Variants in CDC27 observed in about 807,000 individuals in gnomAD.
The protein encoded by CDC27 is cell division cycle protein 27 homolog.
Under a neutral mutation model 109.7 loss-of-function variants are expected in CDC27, and 27 were observed. That is an observed-to-expected ratio of 0.25 (90% CI 0.18 to 0.34). CDC27 has a LOEUF of 0.34. Ranked by LOEUF, CDC27 falls within the 10% of genes least tolerant of loss-of-function variation. The pLI, the probability that CDC27 is intolerant of heterozygous loss-of-function variation, is 1.00. For synonymous variants in CDC27, 266 were observed against 333.9 expected, an observed-to-expected ratio of 0.80 and a Z score of 2.22; for missense variants, 579 against 960.2, an observed-to-expected ratio of 0.60 and a Z score of 5.25.
intron 4 of CDC27, among the ~76,000 whole-genome samples, chr17:47,165,834 G>A (rs2063627830): frequency 6.6e-6 from 1 of 151,948 alleles, no homozygotes; most frequent in Non-Finnish European, 1.5e-5. Flanking sequence ...TAAGGTATGG[G>A]GTTTAAGTCA....
At chr17:47,169,666 GAAAC>G (rs1437410802) in intron 4 of CDC27, among the ~76,000 whole-genome samples, 2 of 148,004 alleles carry the variant, frequency 1.4e-5, no homozygotes, top group African/African-American at 5.0e-5. Context: ...AAAAAAAATA[GAAAC>G]AAACAAAAAA....
chr17:47,185,242 G>C (rs1371265945), intron 1 of CDC27, among the ~76,000 whole-genome samples: 1 of 151,902 alleles, frequency 6.6e-6, no homozygotes, highest in Non-Finnish European at 1.5e-5. Context: ...GCAGTGGCGC[G>C]ATCTCGGCTC....
intron 4 of CDC27, among the ~76,000 whole-genome samples, chr17:47,166,017 A>G (rs1261744969): frequency 6.6e-6 from 1 of 152,218 alleles, no homozygotes. Context: ...TACTGGCTCA[A>G]ATAGTAATTC....
rs894158133 is a variant in CDC27, at chr17:47,119,791, T to A, written c.*1144A>T. ...AGAACCTATCTCCTTCATAAGAATG[T>A]TTTTTCCCCCAAGCTAAAAATTTCC... On this transcript the variant is annotated 3_prime_UTR_variant, in exon 19 of 19. Transcript: ENST00000066544. 3.3e-4 allele frequency: 50 copies of A among 152,132 alleles called. No homozygotes were observed. The highest frequency in any genetic ancestry group is 2.5e-4 in the Non-Finnish European group (17 of 68,016). 9.4% of individuals were successfully genotyped at this position (152,132 alleles called of 1,614,324 possible). A position where few individuals can be genotyped will look rare whatever the true frequency, so the allele number is the denominator to read the frequency against.
Position 47,139,217 on chromosome 17 carries a change from T to G in CDC27, c.1552-326A>C, listed in dbSNP as rs2062718814. 2.0e-5 allele frequency among the ~76,000 whole-genome samples: 3 copies of G among 151,624 alleles called. No homozygotes were observed. The East Asian group carries it at 5.8e-4, about 29-fold the overall frequency. On this transcript the variant is annotated intron_variant, in intron 12 of 18. Transcript: ENST00000066544. ...TTCAAAAGAAAAGTCAATATTTCCT[T>G]CTCAAAAACCTCATTTCCAAGTTTT...
intron 4 of CDC27, among the ~76,000 whole-genome samples, chr17:47,163,983 C>T (rs1035256735): frequency 6.6e-6 from 1 of 152,150 alleles, no homozygotes; most frequent in Non-Finnish European, 1.5e-5. Context: ...AGGCTAGTCT[C>T]GAACTCTTGA....
intron 4 of CDC27, 22 bp downstream of exon 4, chr17:47,169,895 A>T (rs1244651959): frequency 6.5e-7 from 1 of 1,548,934 alleles, no homozygotes; most frequent in Non-Finnish European, 8.7e-7. Context: ...CTTTTCTGAC[A>T]GTTTGAATCA....
chr17:47,141,829 T>A, intron 12 of CDC27, 24 bp downstream of exon 12: 1 of 1,484,218 alleles, frequency 6.7e-7, no homozygotes, highest in Non-Finnish European at 9.1e-7. Flanking sequence ...TAGAAAGGCA[T>A]ATATAACCAT....
rs536644844 is a variant in CDC27 at position 47,179,040 on chromosome 17, G to A, written c.103+2522C>T. On this transcript the variant is annotated intron_variant, in intron 2 of 18. Transcript: ENST00000066544. The stretch of plus-strand genomic sequence containing the variant: ...TGGTCTCAAATTCCCAACCTCAGGT[G>A]ATCTGCCCACCTCAGCCTCCCAGAT... Among the ~76,000 whole-genome samples, 9 of 152,252 alleles carry A rather than the reference G, an allele frequency of 5.9e-5. No individual in the cohort carries two copies. In the South Asian group the frequency reaches 1.5e-3, roughly 25 times the overall value.
intron 1 of CDC27, among the ~76,000 whole-genome samples, chr17:47,182,561 A>G (rs952240871): frequency 6.6e-6 from 1 of 152,192 alleles, no homozygotes; most frequent in Non-Finnish European, 1.5e-5. Context: ...TATAACATTT[A>G]CTTTTTCCTG....
Position 47,142,045 on chromosome 17 carries a change from TAAAC to T in CDC27, c.1379-24_1379-21del, listed in dbSNP as rs756570154. The T allele has an allele frequency of 1.9e-6, 3 of 1,543,840 alleles. No individual in the cohort carries two copies. The East Asian group carries it at 6.8e-5, about 35-fold the overall frequency. On this transcript the variant is annotated intron_variant, in intron 11 of 18. Transcript: ENST00000066544. ...AACCTTCTAGGAGAAAACAACATAGTAAACAAAGGAAAAAACGCAATAAACTAGT... is the reference window on the plus strand; with the variant it reads ...AACCTTCTAGGAGAAAACAACATAGTAAAGGAAAAAACGCAATAAACTAGT...
At chr17:47,188,703 C>A in intron 1 of CDC27, 3 of 985,848 alleles carry the variant, frequency 3.0e-6, no homozygotes, top group Non-Finnish European at 3.6e-6. Context: ...TCCACCCTCT[C>A]ATACAAGACA....
chr17:47,186,412 G>A (rs187146180), intron 1 of CDC27, among the ~76,000 whole-genome samples: 29 of 152,150 alleles, frequency 1.9e-4, no homozygotes, highest in African/African-American at 4.6e-4. Context: ...ATTAATTTTC[G>A]AAAGGCTTAT....
rs750466800 is a variant in CDC27 at position 47,122,589 on chromosome 17, C to T, written c.2247G>A (p.Lys749=). ...TCAGGGCGAGGTGCGTTTGACCTAA[C>T]TTCTTGTAAACCTAAAAATAAACAG... ...VYFLIGKVYK[K]LGQTHLALMN... The change falls in exon 18 of 19, where the codon AAG becomes AAA. Residue 749 remains lysine, a synonymous_variant. Coordinates refer to ENST00000066544, the MANE Select transcript of CDC27 (RefSeq NM_001256.6). 1 of 1,586,344 alleles carries T rather than the reference C, an allele frequency of 6.3e-7. No homozygotes were observed. The highest frequency in any genetic ancestry group is 2.2e-5 in the East Asian group (1 of 44,476).
chr17:47,173,546 C>T (rs1278355883), intron 2 of CDC27, among the ~76,000 whole-genome samples: 1 of 152,150 alleles, frequency 6.6e-6, no homozygotes, highest in Non-Finnish European at 1.5e-5. Context: ...TACCAATAAA[C>T]AATGGCTCCC....
intron 8 of CDC27, among the ~76,000 whole-genome samples, chr17:47,153,172 T>C (rs1398120325): frequency 6.6e-6 from 1 of 152,232 alleles, no homozygotes; most frequent in Admixed American, 6.5e-5. Flanking sequence ...GGTTTGATAT[T>C]TTCAGTTGAC....
intron 15 of CDC27, among the ~76,000 whole-genome samples, chr17:47,130,627 C>A (rs2062295546): frequency 6.6e-6 from 1 of 151,994 alleles, no homozygotes; most frequent in Non-Finnish European, 1.5e-5. Flanking sequence ...GTAATCCCAG[C>A]ACTTTGGGAG....
chr17:47,177,490 T>C (rs747327103), intron 2 of CDC27, among the ~76,000 whole-genome samples: 12 of 152,108 alleles, frequency 7.9e-5, no homozygotes, highest in East Asian at 1.9e-4. Context: ...TGCAGGAGAA[T>C]TGCCTGAACC....
At chr17:47,140,729 G>A (rs557107780) in intron 12 of CDC27, among the ~76,000 whole-genome samples, 1 of 152,260 alleles carries the variant, frequency 6.6e-6, no homozygotes, top group South Asian at 2.1e-4. Context: ...CTGTGTATAT[G>A]CTACATACCA....
Sources: allele counts gnomAD v4.1 joint callset (sites outside exome capture counted in the v4.1 genomes callset), GRCh38; gene constraint gnomAD v4.1.1; transcripts MANE v1.5; gene names NCBI Gene and HGNC (gene_info 2026-07-23, HGNC 2026-07-21).